The following BBOX1 variants were observed in gnomAD, a reference collection of about 807,000 sequenced individuals.
BBOX1 encodes gamma-butyrobetaine hydroxylase 1.
A neutral mutation model predicts 41.6 loss-of-function variants in BBOX1; 35 were observed. That is an observed-to-expected ratio of 0.84 (90% CI 0.64 to 1.11). The LOEUF (loss-of-function observed/expected upper bound fraction) is 1.11, where lower values mean the gene tolerates loss of function less well. Among genes scored for constraint, BBOX1 ranks in the 50% most tolerant of loss-of-function variants. The pLI is 0.00. For missense variants in BBOX1, 458 were observed against 460.6 expected (o/e 0.99, Z 0.05); for synonymous variants, 163 against 154.7 (o/e 1.05, Z -0.40).
Position 27,057,580 on chromosome 11 carries a change from G to C in BBOX1, c.334+265G>C, listed in dbSNP as rs1364330033. 3 of 392,958 alleles carry C rather than the reference G, an allele frequency of 7.6e-6. No individual in the cohort carries two copies. In the South Asian group the frequency reaches 8.0e-5, roughly 11 times the overall value. 24.3% of individuals were successfully genotyped at this position (392,958 alleles called of 1,614,324 possible). ...TCTTTGTCATCTAAAGCAAAACCTG[G>C]CACAGCATACCACAGACACTCCGTA... On this transcript the variant is annotated intron_variant, in intron 4 of 8. Coordinates refer to ENST00000263182, the MANE Select transcript of BBOX1 (RefSeq NM_003986.3).
intron 2 of BBOX1, among the ~76,000 whole-genome samples, chr11:27,050,465 A>G (rs1413477402): frequency 1.3e-5 from 2 of 152,148 alleles, no homozygotes; most frequent in Non-Finnish European, 1.5e-5. Flanking sequence ...ACCAATATTA[A>G]TCATTCAAAT....
At position 27,068,133 on chromosome 11, in the gene BBOX1, ATTCT is replaced by A. The variant is rs559554095; in HGVS notation, c.334+10821_334+10824del. Among the ~76,000 whole-genome samples the A allele has an allele frequency of 1.9e-3, 290 of 152,180 alleles. 1 individual carries two copies. The highest frequency in any genetic ancestry group is 6.5e-3 in the African/African-American group (271 of 41,540). ...GGATTGAATAGTAGTTCTACTTTTAATTCTTTAAGAAATCTCCATACTCTTTTCC... is the reference window on the plus strand; with the variant it reads ...GGATTGAATAGTAGTTCTACTTTTAATTAAGAAATCTCCATACTCTTTTCC... On this transcript the variant is annotated intron_variant, in intron 4 of 8. Transcript: ENST00000263182.
intron 7 of BBOX1, among the ~76,000 whole-genome samples, chr11:27,124,552 C>T (rs1247742964): frequency 6.6e-6 from 1 of 152,160 alleles, no homozygotes; most frequent in Non-Finnish European, 1.5e-5. Context: ...GAGTCATATT[C>T]TGTTTTCCAT....
intron 2 of BBOX1, among the ~76,000 whole-genome samples, chr11:27,049,147 A>C (rs1029400035): frequency 7.2e-6 from 1 of 138,972 alleles, no homozygotes; most frequent in East Asian, 2.1e-4. Context: ...GGGGGGGGGA[A>C]CTTCTGTACT....
At chr11:27,055,683 T>G in intron 3 of BBOX1, 34 bp downstream of exon 3, 2 of 1,562,516 alleles carry the variant, frequency 1.3e-6, no homozygotes, top group South Asian at 1.1e-5. Flanking sequence ...CCCTTCTTTC[T>G]CAAGTTCAAT....
rs1384286586 is a variant in BBOX1 at position 27,098,070 on chromosome 11, T to G, written c.533+4704T>G. 3.3e-5 allele frequency among the ~76,000 whole-genome samples: 5 copies of G among 152,154 alleles called. No homozygotes were observed. In the East Asian group the frequency reaches 9.7e-4, roughly 30 times the overall value. On this transcript the variant is annotated intron_variant, in intron 5 of 8. Transcript: ENST00000263182. ...CCTGCTTAACCTTTTGTTTGCTGCA[T>G]GTATCTCTCTTGCTTTTATATCTCC...
chr11:27,122,024 T>C (rs1017039632), intron 7 of BBOX1, among the ~76,000 whole-genome samples: 1 of 152,164 alleles, frequency 6.6e-6, no homozygotes, highest in African/African-American at 2.4e-5. Context: ...CACTTAAAAG[T>C]ATATTTTCAA....
chr11:27,089,194 A>G (rs1048603363), intron 4 of BBOX1, among the ~76,000 whole-genome samples: 5 of 840 alleles, frequency 6.0e-3, no homozygotes, highest in African/African-American at 7.6e-3. Context: ...ATTTAAATTA[A>G]TTAAAATTAA....
intron 4 of BBOX1, among the ~76,000 whole-genome samples, chr11:27,085,555 ATCTC>A (rs59696795): frequency 0.12 from 15,514 of 134,664 alleles, 2,491 homozygotes; most frequent in African/African-American, 0.36. Context: ...ACATTCCCCC[ATCTC>A]TCTCTCTCTC....
At chr11:27,052,107 G>C (rs911812116) in intron 2 of BBOX1, among the ~76,000 whole-genome samples, 1 of 151,848 alleles carries the variant, frequency 6.6e-6, no homozygotes, top group Non-Finnish European at 1.5e-5. Flanking sequence ...AAATTCACAG[G>C]AGTTTTTCAG....
At chr11:27,065,889 C>T (rs543288788) in intron 4 of BBOX1, among the ~76,000 whole-genome samples, 2 of 152,144 alleles carry the variant, frequency 1.3e-5, no homozygotes, top group Admixed American at 6.5e-5. Flanking sequence ...TAGTGCTAGA[C>T]GGGACCTTGA....
chr11:27,062,184 A>C (rs1374130630), intron 4 of BBOX1, among the ~76,000 whole-genome samples: 1 of 152,204 alleles, frequency 6.6e-6, no homozygotes, highest in Non-Finnish European at 1.5e-5. Flanking sequence ...GAAAATCATC[A>C]AAGGGTAAAA....
chr11:27,104,072 T>C (rs1858767450), intron 5 of BBOX1, among the ~76,000 whole-genome samples: 1 of 152,198 alleles, frequency 6.6e-6, no homozygotes, highest in Non-Finnish European at 1.5e-5. Context: ...CTACTCAATA[T>C]GCACTCTTCT....
intron 4 of BBOX1, among the ~76,000 whole-genome samples, chr11:27,079,893 G>T (rs1404143463): frequency 3.3e-5 from 5 of 152,070 alleles, no homozygotes; most frequent in Non-Finnish European, 5.9e-5. Flanking sequence ...TTATTAGAAA[G>T]TTATATTTGC....
intron 4 of BBOX1, among the ~76,000 whole-genome samples, chr11:27,079,967 C>T (rs182801585): frequency 6.6e-6 from 1 of 152,154 alleles, no homozygotes; most frequent in Non-Finnish European, 1.5e-5. Flanking sequence ...ACCCGCTGTC[C>T]GCACTACCAA....
intron 5 of BBOX1, among the ~76,000 whole-genome samples, chr11:27,104,398 A>C (rs1418416115): frequency 1.3e-5 from 2 of 152,122 alleles, no homozygotes; most frequent in Non-Finnish European, 2.9e-5. Flanking sequence ...TTCCTGGTTC[A>C]TGGGAATATC....
At chr11:27,078,015 C>G (rs181285588) in intron 4 of BBOX1, among the ~76,000 whole-genome samples, 1 of 152,132 alleles carries the variant, frequency 6.6e-6, no homozygotes, top group East Asian at 1.9e-4. Flanking sequence ...GCTTTCCAAT[C>G]CTCCCACAAT....
In BBOX1 at chr11:27,097,545, G is replaced by C. The variant is rs1156471; in HGVS notation, c.533+4179G>C. On this transcript the variant is annotated intron_variant, in intron 5 of 8. Coordinates refer to ENST00000263182, the MANE Select transcript of BBOX1 (RefSeq NM_003986.3). ...ATTTGGGTTTCTACTTTATGAAAAA[G>C]TACCTTTTGTAATTGCTGTATGTGG... is the stretch of plus-strand genomic sequence containing the variant. 1.3e-4 allele frequency among the ~76,000 whole-genome samples: 20 copies of C among 152,170 alleles called. No individual in the cohort carries two copies. In the East Asian group the frequency reaches 1.6e-3, roughly 12 times the overall value.
In BBOX1 at chr11:27,090,509, G is replaced by A. The variant is rs1316495362; in HGVS notation, c.335-2659G>A. Among the ~76,000 whole-genome samples, 3 of 151,926 alleles carry A rather than the reference G, an allele frequency of 2.0e-5. 1 individual carries two copies. The highest frequency in any genetic ancestry group is 4.1e-4 in the South Asian group (2 of 4,824). ...AAGATCACATGCTTCTGAGGGAATA[G>A]GACAAAGGGCAAAAGCAGAACTACT... On this transcript the variant is annotated intron_variant, in intron 4 of 8. Transcript: ENST00000263182.
Sources: allele counts gnomAD v4.1 joint callset (sites outside exome capture counted in the v4.1 genomes callset), GRCh38; gene constraint gnomAD v4.1.1; transcripts MANE v1.5; gene names NCBI Gene and HGNC (gene_info 2026-07-23, HGNC 2026-07-21).